NCOA3: variants seen among roughly 807,000 people sequenced by gnomAD.
NCOA3 encodes CBP-interacting protein.
A neutral mutation model predicts 158.8 loss-of-function variants in NCOA3; 51 were observed. That is an observed-to-expected ratio of 0.32 (90% CI 0.26 to 0.41). NCOA3 has a LOEUF of 0.41. Ranked by LOEUF, NCOA3 falls within the 10% of genes least tolerant of loss-of-function variation. The probability of loss-of-function intolerance (pLI) is 1.00; values close to 1 mark genes in which losing one functional copy is unlikely to be tolerated. For missense variants in NCOA3, 1,510 were observed against 1,746.6 expected, an observed-to-expected ratio of 0.86 and a Z score of 2.41; for synonymous variants, 537 against 592.4, an observed-to-expected ratio of 0.91 and a Z score of 1.36.
chr20:47,520,382 T>C (rs1009393021), intron 1 of NCOA3, among the ~76,000 whole-genome samples: 11 of 152,210 alleles, frequency 7.2e-5, no homozygotes, highest in South Asian at 2.1e-4. Flanking sequence ...CAGCCACTTA[T>C]GCCGCTGTTC....
intron 1 of NCOA3, among the ~76,000 whole-genome samples, chr20:47,568,406 T>G (rs1209361507): frequency 1.3e-5 from 2 of 152,228 alleles, no homozygotes; most frequent in Admixed American, 6.5e-5. Flanking sequence ...GAGTCACTAA[T>G]TTTTTGGTTT....
intron 2 of NCOA3, among the ~76,000 whole-genome samples, chr20:47,611,519 G>T (rs1458895902): frequency 6.6e-6 from 1 of 152,096 alleles, no homozygotes; most frequent in Non-Finnish European, 1.5e-5. Flanking sequence ...CTCCTCCTCG[G>T]CCGGGCTCAT....
At chr20:47,624,495 A>T (rs1195769024) in intron 4 of NCOA3, among the ~76,000 whole-genome samples, 1 of 151,924 alleles carries the variant, frequency 6.6e-6, no homozygotes, top group East Asian at 1.9e-4. Flanking sequence ...AGGATGTAGA[A>T]CTCAGGTGGT....
intron 2 of NCOA3, among the ~76,000 whole-genome samples, chr20:47,589,946 T>G (rs72645219): frequency 6.6e-6 from 1 of 151,936 alleles, no homozygotes; most frequent in Admixed American, 6.6e-5. Context: ...TTTAAAAAAA[T>G]TTTTTAATTT....
At chr20:47,600,147 T>TGTGTG (rs1317163651) in intron 2 of NCOA3, among the ~76,000 whole-genome samples, 15 of 148,740 alleles carry the variant, frequency 1.0e-4, no homozygotes, top group African/African-American at 3.0e-4. Context: ...TGTGTGTGTA[T>TGTGTG]TTTATATATT....
intron 21 of NCOA3, 115 bp from the exon 22 acceptor site, chr20:47,652,816 A>G: frequency 1.6e-6 from 2 of 1,282,098 alleles, no homozygotes; most frequent in Non-Finnish European, 2.2e-6. Context: ...AGTTTTCTCT[A>G]ACATTCCCAG....
At chr20:47,616,009 C>G (rs2086125634) in intron 2 of NCOA3, among the ~76,000 whole-genome samples, 2 of 151,600 alleles carry the variant, frequency 1.3e-5, no homozygotes, top group African/African-American at 4.8e-5. Context: ...AATAGAAAAA[C>G]TAGGCCAGGG....
intron 1 of NCOA3, among the ~76,000 whole-genome samples, chr20:47,574,812 C>T (rs953017336): frequency 6.6e-6 from 1 of 152,052 alleles, no homozygotes; most frequent in Admixed American, 6.6e-5. Flanking sequence ...AATGCTTTAG[C>T]GTAAACTCAG....
chr20:47,516,356 A>G, intron 1 of NCOA3, among the ~76,000 whole-genome samples: 1 of 152,284 alleles, frequency 6.6e-6, no homozygotes. Flanking sequence ...ATAAAGTGTT[A>G]AAAAATAAAT....
At chr20:47,518,900 C>T (rs1284548772) in intron 1 of NCOA3, among the ~76,000 whole-genome samples, 1 of 152,062 alleles carries the variant, frequency 6.6e-6, no homozygotes, top group Non-Finnish European at 1.5e-5. Context: ...CTTTGTGAGG[C>T]CGAGGTGGGT....
At chr20:47,502,282 C>T (rs1319525739) in intron 1 of NCOA3, among the ~76,000 whole-genome samples, 3 of 152,168 alleles carry the variant, frequency 2.0e-5, no homozygotes, top group African/African-American at 7.2e-5. Context: ...CGAGGGGGTC[C>T]CCGCGCGGAG....
intron 19 of NCOA3, among the ~76,000 whole-genome samples, chr20:47,650,693 A>G (rs1047724122): frequency 1.3e-5 from 2 of 151,912 alleles, no homozygotes; most frequent in Non-Finnish European, 1.5e-5. Flanking sequence ...GTGAAGCACT[A>G]TCTCTACTAA....
At chr20:47,555,979 G>A (rs1249027610) in intron 1 of NCOA3, among the ~76,000 whole-genome samples, 2 of 133,862 alleles carry the variant, frequency 1.5e-5, no homozygotes, top group African/African-American at 2.9e-5. Flanking sequence ...GTCTTCCTCT[G>A]TTGTCCAGGC....
chr20:47,597,027 C>A (rs981544337), intron 2 of NCOA3, among the ~76,000 whole-genome samples: 3 of 152,162 alleles, frequency 2.0e-5, no homozygotes, highest in African/African-American at 7.2e-5. Flanking sequence ...TTTCAAAAAA[C>A]CAACTTTATT....
At chr20:47,512,187 AAAAAC>A (rs901107384) in intron 1 of NCOA3, among the ~76,000 whole-genome samples, 2 of 152,108 alleles carry the variant, frequency 1.3e-5, no homozygotes, top group African/African-American at 4.8e-5. Flanking sequence ...AATTTTTACA[AAAAAC>A]AAAATATAAA....
At chr20:47,611,887 G>A (rs1444512578) in intron 2 of NCOA3, among the ~76,000 whole-genome samples, 3 of 152,104 alleles carry the variant, frequency 2.0e-5, no homozygotes, top group Non-Finnish European at 2.9e-5. Context: ...GCAGTGGCGC[G>A]AACCTTAGCT....
At chr20:47,620,763 T>G (rs937508799) in intron 2 of NCOA3, among the ~76,000 whole-genome samples, 3 of 152,226 alleles carry the variant, frequency 2.0e-5, no homozygotes, top group African/African-American at 7.2e-5. Flanking sequence ...AACATACTTT[T>G]ATGTCTATTG....
rs550376427 is a variant in NCOA3 at position 47,610,549 on chromosome 20, G to T, written c.-19-11680G>T. 7.2e-5 allele frequency among the ~76,000 whole-genome samples: 11 copies of T among 152,226 alleles called. No homozygotes were observed. The East Asian group carries it at 1.7e-3, about 24-fold the overall frequency. ...AACATTTTTAAAAAAGGATTCTTTTGAATTTAAAGTTATTTAATGATTACT... is the reference window on the plus strand; with the variant it reads ...AACATTTTTAAAAAAGGATTCTTTTTAATTTAAAGTTATTTAATGATTACT... On this transcript the variant is annotated intron_variant, in intron 2 of 22. Coordinates refer to ENST00000371998, the MANE Select transcript of NCOA3 (RefSeq NM_181659.3).
At chr20:47,578,701 C>G (rs2085409136) in intron 1 of NCOA3, among the ~76,000 whole-genome samples, 1 of 152,126 alleles carries the variant, frequency 6.6e-6, no homozygotes, top group Non-Finnish European at 1.5e-5. Flanking sequence ...AGCCTTTAAC[C>G]TGAAATTCAT....
Sources: gnomAD v4.1 joint callset for allele counts (sites outside exome capture counted in the v4.1 genomes callset) on GRCh38, gnomAD v4.1.1 for gene constraint, MANE v1.5 for transcripts, NCBI Gene and HGNC (gene_info 2026-07-23, HGNC 2026-07-21) for gene names.